Variants in CFAP54 observed in about 807,000 individuals in gnomAD.
CFAP54 encodes the protein cilia- and flagella-associated protein 54.
In CFAP54, 290 loss-of-function variants were observed where a neutral mutation model predicts 370.4. The ratio of observed to expected loss-of-function variants is 0.78; its 90% confidence interval spans 0.71 to 0.86. CFAP54 has a LOEUF of 0.86. CFAP54 is among the 40% of genes least tolerant of loss of function. The probability of loss-of-function intolerance (pLI) is 0.00; values close to 1 mark genes in which losing one functional copy is unlikely to be tolerated. For missense variants in CFAP54, 3,399 were observed against 3,528.7 expected (o/e 0.96, Z 0.93); for synonymous variants, 1,206 against 1,236.5 (o/e 0.98, Z 0.52).
intron 58 of CFAP54, among the ~76,000 whole-genome samples, 176 bp from the exon 59 acceptor site, chr12:96,763,975 A>G (rs961241432): frequency 6.6e-6 from 1 of 152,212 alleles, no homozygotes; most frequent in Non-Finnish European, 1.5e-5. Flanking sequence ...TGTACTTTTC[A>G]TACAATTTTG....
chr12:96,859,588 G>A (rs1487371976), intron 66 of CFAP54, among the ~76,000 whole-genome samples: 1 of 152,014 alleles, frequency 6.6e-6, no homozygotes, highest in African/African-American at 2.4e-5. Flanking sequence ...TGTATTTTTA[G>A]TAGAGACGGG....
intron 5 of CFAP54, 118 bp from the exon 6 acceptor site, chr12:96,518,810 T>G: frequency 1.2e-6 from 1 of 864,740 alleles, no homozygotes; most frequent in Admixed American, 3.4e-5. Context: ...ATTTATGGTA[T>G]TTTTGGTTTG....
At chr12:96,762,571 G>T (rs42303) in intron 58 of CFAP54, among the ~76,000 whole-genome samples, 1 of 152,166 alleles carries the variant, frequency 6.6e-6, no homozygotes, top group Non-Finnish European at 1.5e-5. Flanking sequence ...CCTTTCCATT[G>T]GAGTTGACTT....
At chr12:96,657,775 CAGTTG>C in intron 36 of CFAP54, 102 bp from the exon 37 acceptor site, 2 of 811,764 alleles carry the variant, frequency 2.5e-6, no homozygotes, top group East Asian at 2.5e-5. Context: ...TTTTTCTTTT[CAGTTG>C]AGTTCTTTTC....
intron 66 of CFAP54, among the ~76,000 whole-genome samples, chr12:96,856,278 C>T (rs546174810): frequency 3.3e-5 from 5 of 152,190 alleles, no homozygotes; most frequent in African/African-American, 4.8e-5. Flanking sequence ...GATGTTTTCT[C>T]CATTGTCTTG....
intron 66 of CFAP54, among the ~76,000 whole-genome samples, chr12:96,848,305 C>T (rs928927040): frequency 6.6e-6 from 1 of 152,016 alleles, no homozygotes; most frequent in Non-Finnish European, 1.5e-5. Context: ...GAACTCCTTA[C>T]CTCAAATGAT....
At chr12:96,681,188 A>G (rs930262485) in intron 40 of CFAP54, among the ~76,000 whole-genome samples, 1 of 151,830 alleles carries the variant, frequency 6.6e-6, no homozygotes, top group African/African-American at 2.4e-5. Context: ...GGAATGGTTT[A>G]TACCAACTCG....
intron 61 of CFAP54, among the ~76,000 whole-genome samples, chr12:96,785,206 A>T (rs1002285365): frequency 1.3e-5 from 2 of 152,226 alleles, no homozygotes; most frequent in Admixed American, 6.5e-5. Flanking sequence ...ACAGTTTATG[A>T]AATGAACAAG....
In CFAP54 at chr12:96,827,890, T is replaced by G. The variant is rs192421521; in HGVS notation, c.9097-1124T>G. On this transcript the variant is annotated intron_variant, in intron 65 of 67. Transcript: ENST00000524981. ...ATATATTATATATAGTTATATATAA[T>G]ATATAATTATATATAATACATAGTA... 5.7e-4 allele frequency among the ~76,000 whole-genome samples: 63 copies of G among 111,446 alleles called. No homozygotes were observed. In the East Asian group the frequency reaches 7.8e-3, roughly 14 times the overall value. The allele number at this position is 111,446 out of a possible 152,430, so 73.1% of individuals were successfully genotyped here.
chr12:96,806,035 A>T (rs1013851588), intron 63 of CFAP54, among the ~76,000 whole-genome samples: 11 of 150,726 alleles, frequency 7.3e-5, no homozygotes, highest in Admixed American at 2.0e-4. Flanking sequence ...GGAATAATAG[A>T]CATTGGAAAC....
chr12:96,684,499 G>A (rs542584960), intron 40 of CFAP54, 149 bp from the exon 41 acceptor site: 9 of 612,978 alleles, frequency 1.5e-5, no homozygotes, highest in East Asian at 2.8e-5. Context: ...TATATATATC[G>A]TGTGACATTT....
intron 4 of CFAP54, among the ~76,000 whole-genome samples, chr12:96,512,341 A>ATATG (rs1955181585): frequency 3.0e-5 from 2 of 65,866 alleles, no homozygotes; most frequent in Admixed American, 1.3e-4. Context: ...ATATATATAT[A>ATATG]TATATATATG....
At chr12:96,722,985 A>G (rs1248903724) in intron 50 of CFAP54, among the ~76,000 whole-genome samples, 2 of 152,174 alleles carry the variant, frequency 1.3e-5, no homozygotes, top group African/African-American at 2.4e-5. Context: ...CCTTAGATGT[A>G]CAATTGAAGA....
intron 63 of CFAP54, among the ~76,000 whole-genome samples, chr12:96,799,783 T>G (rs1043752596): frequency 1.3e-5 from 2 of 152,186 alleles, no homozygotes; most frequent in Non-Finnish European, 2.9e-5. Context: ...GCAGTAGTTT[T>G]CAAATTATGA....
chr12:96,647,755 T>G, intron 33 of CFAP54, 120 bp from the exon 34 acceptor site: 1 of 857,682 alleles, frequency 1.2e-6, no homozygotes, highest in Non-Finnish European at 1.7e-6. Flanking sequence ...ACAAAACCCT[T>G]CATGATTTAA....
chr12:96,765,900 G>GT (rs1359279387), intron 60 of CFAP54, among the ~76,000 whole-genome samples: 3 of 152,164 alleles, frequency 2.0e-5, no homozygotes, highest in Non-Finnish European at 4.4e-5. Context: ...TCATTTATGT[G>GT]TTTTTCCATT....
At position 96,693,808 on chromosome 12, in the gene CFAP54, G is replaced by T; in HGVS notation, c.6351G>T (p.Lys2117Asn). 1 of 1,549,474 alleles carries T rather than the reference G, an allele frequency of 6.5e-7. No individual in the cohort carries two copies. The highest frequency in any genetic ancestry group is 8.9e-7 in the Non-Finnish European group (1 of 1,127,008). The change falls in exon 45 of 68, where the codon AAG becomes AAT. Residue 2117 changes from lysine to asparagine, a missense_variant and splice_region_variant. Lys to Asn is a moderately conservative substitution (Grantham distance 94, BLOSUM62 0). Around this residue, in one of 3 missense-constraint regions of CFAP54, gnomAD observed 2,796 missense variants for 2,869.7 expected, o/e 0.97. Transcript: ENST00000524981. ...GAAATCTAGAAGCAAGAATCCTCAA[G>T]GTATGTTACAAGCTTTTAAGACATT... is the stretch of plus-strand genomic sequence containing the variant. ...ITRNLEARIL[K>N]IEVLIDLRFF...
rs1958372657 is a variant in CFAP54, at chr12:96,764,243, T to C, written c.8133T>C (p.Ala2711=). The change falls in exon 59 of 68, where the codon GCT becomes GCC. Residue 2711 remains alanine (A), a synonymous_variant. Transcript: ENST00000524981. ...SSLAWIAIRA[A]AQVSEAVLAI... ...TAGCCTGGATTGCAATAAGAGCTGC[T>C]GCACAGGTTGGTGTGATTTTTGTTT... 3 of 1,609,848 alleles carry C rather than the reference T, an allele frequency of 1.9e-6. No homozygotes were observed. Among genetic ancestry groups the C allele is most frequent in the East Asian group, 2.2e-5 (1 of 44,784 alleles).
chr12:96,752,125 A>AGAGAGAGAGG, intron 55 of CFAP54, among the ~76,000 whole-genome samples: 1 of 148,820 alleles, frequency 6.7e-6, no homozygotes, highest in Non-Finnish European at 1.5e-5. Flanking sequence ...AGAGAGAGAG[A>AGAGAGAGAGG]GAGAGAGATT....
Sources: allele counts gnomAD v4.1 joint callset (sites outside exome capture counted in the v4.1 genomes callset), GRCh38; gene constraint gnomAD v4.1.1; regional missense constraint gnomAD v4.1.1; transcripts MANE v1.5; gene names NCBI Gene and HGNC (gene_info 2026-07-23, HGNC 2026-07-21).